Variants in RBFOX1 observed in about 807,000 individuals in gnomAD.
RBFOX1 encodes the protein RNA binding protein fox-1 homolog 1.
Under a neutral mutation model 57.7 loss-of-function variants are expected in RBFOX1, and 8 were observed. That is an observed-to-expected ratio of 0.14 (90% confidence interval 0.08 to 0.25). The LOEUF is 0.25. RBFOX1 is among the 10% of genes least tolerant of loss of function. The probability of loss-of-function intolerance (pLI) is 1.00; values close to 1 mark genes in which losing one functional copy is unlikely to be tolerated. For synonymous variants in RBFOX1, 326 were observed against 222.4 expected (o/e 1.47, Z -4.15); for missense variants, 611 against 548.5 (o/e 1.11, Z -1.14).
intron 3 of RBFOX1, among the ~76,000 whole-genome samples, chr16:6,952,268 A>G (rs1339987696): frequency 1.3e-5 from 2 of 152,210 alleles, no homozygotes; most frequent in African/African-American, 2.4e-5. Flanking sequence ...TTCTGGTTCT[A>G]AAAGAACAAA....
At chr16:5,592,455 C>T (rs958368786) in intron 2 of RBFOX1, among the ~76,000 whole-genome samples, 2 of 150,520 alleles carry the variant, frequency 1.3e-5, no homozygotes, top group African/African-American at 2.4e-5. Context: ...CTTGCTTCAT[C>T]GTCCAGGCTG....
intron 3 of RBFOX1, among the ~76,000 whole-genome samples, chr16:6,824,499 C>T (rs1052346408): frequency 2.0e-5 from 3 of 152,124 alleles, no homozygotes; most frequent in Non-Finnish European, 2.9e-5. Context: ...GTAGTAAATT[C>T]TATATTTCAT....
Position 7,218,723 on chromosome 16 carries a change from T to G in RBFOX1, c.27+166625T>G, listed in dbSNP as rs75290374. Among the ~76,000 whole-genome samples the G allele has an allele frequency of 4.7e-5, 6 of 128,158 alleles. No individual in the cohort carries two copies. The Admixed American group carries it at 5.1e-4, about 11-fold the overall frequency. 84.1% of individuals were successfully genotyped at this position (128,158 alleles called of 152,430 possible). On this transcript the variant is annotated intron_variant, in intron 4 of 15. Transcript: ENST00000550418. ...GGCTGTGAGACTTTGGTAAGTCATCTTAAAGTGTTTTTTTTTTTTAAAGTA... is the reference window on the plus strand; with the variant it reads ...GGCTGTGAGACTTTGGTAAGTCATCGTAAAGTGTTTTTTTTTTTTAAAGTA...
intron 3 of RBFOX1, among the ~76,000 whole-genome samples, chr16:5,768,306 G>A (rs1198316271): frequency 6.6e-6 from 1 of 152,180 alleles, no homozygotes; most frequent in Non-Finnish European, 1.5e-5. Context: ...TCAAATGGGG[G>A]CCGCTAAGAT....
chr16:7,132,724 C>T (rs1039077169), intron 4 of RBFOX1, among the ~76,000 whole-genome samples: 1 of 151,944 alleles, frequency 6.6e-6, no homozygotes, highest in African/African-American at 2.4e-5. Flanking sequence ...CGAAATCAAC[C>T]AGTCACAAGA....
chr16:7,049,949 G>C (rs1213597180), intron 3 of RBFOX1, among the ~76,000 whole-genome samples: 1 of 152,138 alleles, frequency 6.6e-6, no homozygotes, highest in Non-Finnish European at 1.5e-5. Context: ...CAAATATCCA[G>C]TTTGAGAACA....
chr16:7,573,874 G>C (rs2093046299), intron 5 of RBFOX1, among the ~76,000 whole-genome samples: 1 of 151,824 alleles, frequency 6.6e-6, no homozygotes, highest in South Asian at 2.1e-4. Flanking sequence ...AGTTCTCTCA[G>C]AGATTACTTC....
intron 1 of RBFOX1, among the ~76,000 whole-genome samples, chr16:5,246,142 T>G (rs1024755325): frequency 1.3e-5 from 2 of 152,164 alleles, no homozygotes; most frequent in African/African-American, 4.8e-5. Flanking sequence ...CTTGGGAGGC[T>G]GAGGCAGGAG....
chr16:7,345,358 C>G (rs1254899704), intron 4 of RBFOX1, among the ~76,000 whole-genome samples: 3 of 152,182 alleles, frequency 2.0e-5, no homozygotes, highest in Non-Finnish European at 4.4e-5. Context: ...GTGAAATTGA[C>G]ATGGACCGTC....
At chr16:5,666,396 G>C (rs1208916922) in intron 3 of RBFOX1, among the ~76,000 whole-genome samples, 1 of 152,172 alleles carries the variant, frequency 6.6e-6, no homozygotes, top group Non-Finnish European at 1.5e-5. Context: ...AAGATTACGT[G>C]CTCCTTTTAT....
rs939069835 is a variant in RBFOX1 at position 6,337,414 on chromosome 16, C to G, written c.-64+20357C>G. 5.3e-5 allele frequency among the ~76,000 whole-genome samples: 8 copies of G among 152,142 alleles called. 1 individual carries two copies. In the South Asian group the frequency reaches 8.3e-4, roughly 16 times the overall value. ...CAAAGTTGTTCCAGGATAACCCAAA[C>G]CAGAACAAACCTCAGATATTTGCAG... On this transcript the variant is annotated intron_variant, in intron 2 of 15. Coordinates refer to ENST00000550418, the MANE Select transcript of RBFOX1 (RefSeq NM_018723.4).
chr16:7,415,095 G>A (rs912067672), intron 4 of RBFOX1, among the ~76,000 whole-genome samples: 17 of 152,200 alleles, frequency 1.1e-4, no homozygotes, highest in African/African-American at 4.1e-4. Context: ...AAAGTCATTA[G>A]CAGTACCAAC....
chr16:6,898,856 A>C (rs1329067608), intron 3 of RBFOX1, among the ~76,000 whole-genome samples: 1 of 149,756 alleles, frequency 6.7e-6, no homozygotes, highest in East Asian at 2.0e-4. Context: ...TGTATGTGTA[A>C]TATATTACAC....
At chr16:6,685,500 C>G (rs75427278) in intron 3 of RBFOX1, among the ~76,000 whole-genome samples, 36 of 146,194 alleles carry the variant, frequency 2.5e-4, no homozygotes, top group Middle Eastern at 3.9e-3. Flanking sequence ...GTTCGCCAGG[C>G]TGCTGTCGAA....
intron 3 of RBFOX1, among the ~76,000 whole-genome samples, chr16:5,727,261 G>T (rs1191077812): frequency 6.6e-6 from 1 of 151,308 alleles, no homozygotes; most frequent in African/African-American, 2.5e-5. Context: ...AACAGAGTAA[G>T]ACTTTGTCTC....
intron 4 of RBFOX1, among the ~76,000 whole-genome samples, chr16:7,145,470 G>C (rs989005705): frequency 6.6e-6 from 1 of 152,116 alleles, no homozygotes; most frequent in Non-Finnish European, 1.5e-5. Context: ...GCCTCCCAAA[G>C]TGCTGAGATG....
intron 3 of RBFOX1, among the ~76,000 whole-genome samples, chr16:6,889,477 G>T (rs1388590428): frequency 6.6e-6 from 1 of 152,216 alleles, no homozygotes; most frequent in East Asian, 1.9e-4. Flanking sequence ...CTTTTAGCAA[G>T]TGGGAAAATA....
intron 3 of RBFOX1, among the ~76,000 whole-genome samples, chr16:5,776,743 G>A (rs1192784296): frequency 2.0e-5 from 3 of 152,206 alleles, no homozygotes; most frequent in African/African-American, 2.4e-5. Context: ...CCACAGTGAT[G>A]AACACCTTAT....
intron 4 of RBFOX1, among the ~76,000 whole-genome samples, chr16:7,124,521 C>G (rs1380439274): frequency 1.2e-5 from 1 of 81,152 alleles, no homozygotes; most frequent in African/African-American, 4.2e-5. Flanking sequence ...CCTCCCCTCC[C>G]CTCCCCTCCT....
Sources: gnomAD v4.1 joint callset for allele counts (sites outside exome capture counted in the v4.1 genomes callset) on GRCh38, gnomAD v4.1.1 for gene constraint, MANE v1.5 for transcripts, NCBI Gene and HGNC (gene_info 2026-07-23, HGNC 2026-07-21) for gene names.